AZI2: variants seen among roughly 807,000 people sequenced by gnomAD.
The protein encoded by AZI2 is 5-azacytidine induced 2.
Under a neutral mutation model 45.8 loss-of-function variants are expected in AZI2, and 22 were observed. The observed-to-expected ratio is 0.48, with a 90% CI of 0.34 to 0.69. The LOEUF (loss-of-function observed/expected upper bound fraction) is 0.69. Among genes scored for constraint, AZI2 ranks in the 30% least tolerant of loss-of-function variants. The probability of loss-of-function intolerance (pLI) is 0.01; values close to 1 mark genes in which losing one functional copy is unlikely to be tolerated. For missense variants in AZI2, 417 were observed against 441.5 expected (o/e 0.94, Z 0.50); for synonymous variants, 137 against 156.7 (o/e 0.87, Z 0.94).
chr3:28,347,199 G>T (rs906242720), intron 1 of AZI2, among the ~76,000 whole-genome samples: 4 of 152,040 alleles, frequency 2.6e-5, no homozygotes, highest in African/African-American at 7.2e-5. Flanking sequence ...GAAAAAGATT[G>T]GTTCTATTAC....
At chr3:28,336,602 T>G in intron 5 of AZI2, 135 bp downstream of exon 5, 1 of 994,546 alleles carries the variant, frequency 1.0e-6, no homozygotes, top group African/African-American at 1.7e-5. Context: ...TAAACAAGAA[T>G]TTTTTAAGGA....
At position 28,336,757 on chromosome 3, in the gene AZI2, G is replaced by C. The variant is rs1432835082; in HGVS notation, c.568C>G (p.Leu190Val). 6.2e-7 allele frequency: 1 copy of C among 1,612,950 alleles called. No homozygotes were observed. The highest frequency in any genetic ancestry group is 1.1e-5 in the South Asian group (1 of 90,978). ...AATACCGTTTGTTTGGCTTTCTGTA[G>C]TTCTATTTTGAGATCGCTACATTCT... ...RKECSDLKIE[L>V]QKAKQTDPYQ... The change falls in exon 5 of 8, where the codon CTA (leucine) becomes GTA (valine). Residue 190 changes from leucine to valine, a missense_variant. Physicochemically the swap from Leu to Val is conservative, Grantham distance 32 (BLOSUM62 1). Coordinates refer to ENST00000479665, the MANE Select transcript of AZI2 (RefSeq NM_022461.5).
intron 4 of AZI2, 121 bp from the exon 5 acceptor site, chr3:28,337,006 T>A (rs1703820053): frequency 1.0e-6 from 1 of 957,774 alleles, no homozygotes; most frequent in Non-Finnish European, 1.5e-6. Context: ...ACATATATGA[T>A]CAATAGTTTT....
intron 6 of AZI2, among the ~76,000 whole-genome samples, chr3:28,330,444 A>G (rs957133138): frequency 2.0e-5 from 3 of 151,314 alleles, no homozygotes; most frequent in Non-Finnish European, 3.0e-5. Flanking sequence ...ATCCCTATAT[A>G]CTTTCTCCAA....
chr3:28,333,748 T>C (rs1284235463), intron 5 of AZI2, among the ~76,000 whole-genome samples: 1 of 151,652 alleles, frequency 6.6e-6, no homozygotes, highest in African/African-American at 2.4e-5. Context: ...AAGGTGGTAA[T>C]GGATCTGTTC....
At chr3:28,338,709 C>T (rs914760681) in intron 2 of AZI2, 94 bp from the exon 3 acceptor site, 20 of 1,126,880 alleles carry the variant, frequency 1.8e-5, no homozygotes, top group African/African-American at 3.2e-5. Flanking sequence ...TTACTTCAAT[C>T]GTAATAAGGG....
At chr3:28,327,041 G>T in intron 6 of AZI2, 91 bp from the exon 7 acceptor site, 1 of 857,210 alleles carries the variant, frequency 1.2e-6, no homozygotes, top group Non-Finnish European at 1.8e-6. Context: ...TCAAGTTTCT[G>T]CTCCAATTAG....
intron 5 of AZI2, among the ~76,000 whole-genome samples, chr3:28,334,138 T>G (rs1393476555): frequency 1.3e-5 from 2 of 151,614 alleles, no homozygotes; most frequent in African/African-American, 4.8e-5. Context: ...CACTAAATAT[T>G]TAAAAAACAA....
chr3:28,331,945 G>T, intron 6 of AZI2: 1 of 1,533,916 alleles, frequency 6.5e-7, no homozygotes, highest in Non-Finnish European at 8.8e-7. Flanking sequence ...CTGTGCTACA[G>T]ATACTCTGTC....
chr3:28,333,650 C>T (rs34490679), intron 5 of AZI2, among the ~76,000 whole-genome samples: 1,672 of 151,404 alleles, frequency 0.011, 26 homozygotes, highest in African/African-American at 0.03. Context: ...TTCAGAGACT[C>T]TAATGTACAT....
chr3:28,340,243 C>T (rs940993810), intron 2 of AZI2, among the ~76,000 whole-genome samples, 159 bp downstream of exon 2: 1 of 151,972 alleles, frequency 6.6e-6, no homozygotes, highest in Non-Finnish European at 1.5e-5. Flanking sequence ...ATGTGAAACA[C>T]AGGATAAGTA....
At chr3:28,346,694 C>T (rs943040187) in intron 1 of AZI2, among the ~76,000 whole-genome samples, 6 of 152,152 alleles carry the variant, frequency 3.9e-5, no homozygotes, top group Non-Finnish European at 7.4e-5. Flanking sequence ...TTCGTACAAT[C>T]AGTCAAAATA....
At chr3:28,336,698 A>T (rs1703805938) in intron 5 of AZI2, 39 bp downstream of exon 5, 1 of 1,588,792 alleles carries the variant, frequency 6.3e-7, no homozygotes, top group African/African-American at 1.3e-5. Context: ...ATGATACACA[A>T]AAAATACTGA....
chr3:28,324,266 A>G lies in AZI2; in HGVS notation c.955T>C (p.Trp319Arg), dbSNP rs751878278. The change falls in exon 8 of 8, where the codon TGG (tryptophan) becomes CGG (arginine). Residue 319 changes from tryptophan to arginine, a missense_variant. Trp to Arg is a moderately radical substitution (Grantham distance 101, BLOSUM62 -3). Coordinates refer to ENST00000479665, the MANE Select transcript of AZI2 (RefSeq NM_022461.5). Reference protein sequence around the residue: ...VLSEKAILQSWTDNERSIPND... With the variant: ...VLSEKAILQSRTDNERSIPND... ...GGAATGGATCTCTCATTGTCTGTCCATGATTGGAGGATTGCTTTCTCTGAT... is the reference window on the plus strand; with the variant it reads ...GGAATGGATCTCTCATTGTCTGTCCGTGATTGGAGGATTGCTTTCTCTGAT... 16 of 1,609,494 alleles carry G rather than the reference A, an allele frequency of 9.9e-6. No individual in the cohort carries two copies. The highest frequency in any genetic ancestry group is 1.4e-5 in the Non-Finnish European group (16 of 1,176,910).
rs1703303381 is a variant in AZI2 at position 28,324,419 on chromosome 3, T to C, written c.802A>G (p.Arg268Gly). The C allele has an allele frequency of 6.5e-7, 1 of 1,528,762 alleles. No homozygotes were observed. Among genetic ancestry groups the C allele is most frequent in the South Asian group, 1.3e-5 (1 of 77,082 alleles). The allele number at this position is 1,528,762 out of a possible 1,614,324, so 94.7% of individuals were successfully genotyped here. Residue 268 changes from arginine to glycine, a missense_variant, in exon 8 of 8, where the codon AGA becomes GGA. Physicochemically the swap from Arg to Gly is moderately radical, Grantham distance 125. Coordinates refer to ENST00000479665, the MANE Select transcript of AZI2 (RefSeq NM_022461.5). ...ATCAAGTGCAGTTTTGTGCTGTCTC[T>C]TCCAAGGTCTTCACTGCATCCTACA... ...APVGCSEDLG[R>G]DSTKLHLMNF...
At chr3:28,345,370 T>C (rs1388253395) in intron 1 of AZI2, among the ~76,000 whole-genome samples, 1 of 152,162 alleles carries the variant, frequency 6.6e-6, no homozygotes, top group East Asian at 1.9e-4. Flanking sequence ...TTATAGAAAG[T>C]AATTTCACAT....
chr3:28,340,905 TTAG>T (rs1335907214), intron 1 of AZI2, among the ~76,000 whole-genome samples: 1 of 152,040 alleles, frequency 6.6e-6, no homozygotes, highest in African/African-American at 2.4e-5. Context: ...ACCATAATTA[TTAG>T]TATGTTCTAT....
chr3:28,326,991 C>A, intron 6 of AZI2, 41 bp from the exon 7 acceptor site: 1 of 1,331,806 alleles, frequency 7.5e-7, no homozygotes, highest in Non-Finnish European at 1.1e-6. Flanking sequence ...ACTCATCATT[C>A]TTTTTTAGAC....
intron 4 of AZI2, 79 bp downstream of exon 4, chr3:28,337,858 C>G: frequency 1.1e-6 from 1 of 896,130 alleles, no homozygotes. Context: ...CATATGGATA[C>G]AGAAAACTGT....
Sources: gnomAD v4.1 joint callset for allele counts (sites outside exome capture counted in the v4.1 genomes callset) on GRCh38, gnomAD v4.1.1 for gene constraint, MANE v1.5 for transcripts, NCBI Gene and HGNC (gene_info 2026-07-23, HGNC 2026-07-21) for gene names.